The following AP3B1 variants were observed in gnomAD, a reference collection of about 807,000 sequenced individuals.
AP3B1 encodes the protein adaptor related protein complex 3 subunit beta 1.
In AP3B1, 61 loss-of-function variants were observed where a neutral mutation model predicts 132.5. The ratio of observed to expected loss-of-function variants is 0.46; its 90% confidence interval spans 0.37 to 0.57. The LOEUF (loss-of-function observed/expected upper bound fraction) is 0.57. AP3B1 is among the 20% of genes least tolerant of loss of function. AP3B1 has a pLI of 0.00. For missense variants in AP3B1, 1,120 were observed against 1,289.4 expected (o/e 0.87, Z 2.01); for synonymous variants, 388 against 438.3 (o/e 0.89, Z 1.43).
chr5:78,147,840 C>T (rs984943745), intron 14 of AP3B1, among the ~76,000 whole-genome samples: 2 of 152,118 alleles, frequency 1.3e-5, no homozygotes, highest in Non-Finnish European at 2.9e-5. Flanking sequence ...TTGAGACCAG[C>T]GTGGTCAACA....
intron 17 of AP3B1, among the ~76,000 whole-genome samples, chr5:78,122,462 A>C (rs1752254451): frequency 6.6e-6 from 1 of 152,344 alleles, no homozygotes; most frequent in Non-Finnish European, 1.5e-5. Flanking sequence ...GTCTCAGCCC[A>C]AAATCTCCTT....
intron 22 of AP3B1, chr5:78,042,990 C>G (rs886472482): frequency 5.6e-6 from 1 of 178,368 alleles, no homozygotes; most frequent in East Asian, 1.5e-4. Context: ...TCCAAATGTT[C>G]TTGATCTTGT....
intron 18 of AP3B1, 133 bp from the exon 19 acceptor site, chr5:78,114,056 A>G (rs1751718158): frequency 1.0e-6 from 1 of 980,994 alleles, no homozygotes; most frequent in Non-Finnish European, 1.5e-6. Flanking sequence ...CTTGTTTAAC[A>G]TTTTATTCCC....
intron 7 of AP3B1, among the ~76,000 whole-genome samples, chr5:78,197,432 A>G (rs1745119870): frequency 6.6e-6 from 1 of 152,234 alleles, no homozygotes; most frequent in African/African-American, 2.4e-5. Context: ...CATGGTTTAT[A>G]TACTCTTAAG....
At chr5:78,249,414 G>A (rs1284297721) in intron 2 of AP3B1, among the ~76,000 whole-genome samples, 1 of 151,940 alleles carries the variant, frequency 6.6e-6, no homozygotes, top group Non-Finnish European at 1.5e-5. Flanking sequence ...AATTTGGGAA[G>A]TTTTCTACCA....
chr5:78,192,875 A>G (rs935818839), intron 7 of AP3B1, among the ~76,000 whole-genome samples: 3 of 152,186 alleles, frequency 2.0e-5, no homozygotes, highest in Non-Finnish European at 4.4e-5. Flanking sequence ...AATCTGTCAG[A>G]GCCTTGATCC....
chr5:78,287,372 C>G (rs1749326753), intron 1 of AP3B1, among the ~76,000 whole-genome samples: 1 of 151,986 alleles, frequency 6.6e-6, no homozygotes, highest in African/African-American at 2.4e-5. Context: ...AGGAGATATG[C>G]AAGCAAAGCA....
intron 20 of AP3B1, among the ~76,000 whole-genome samples, chr5:78,105,582 G>T (rs1751299837): frequency 6.6e-6 from 1 of 152,096 alleles, no homozygotes; most frequent in South Asian, 2.1e-4. Flanking sequence ...ATTGTGTAAA[G>T]TATGTGAAAT....
rs1561217293 is a variant in AP3B1 at position 78,278,629 on chromosome 5, G to GAAAAAA, written c.129-11035_129-11034insTTTTTT. On this transcript the variant is annotated intron_variant, in intron 1 of 26. Transcript: ENST00000255194. ...AAAAAAAAAAAAAAAAAAAAAAGGG[G>GAAAAAA]GGGGGGGACTAATTAATTATGAGGA... Among the ~76,000 whole-genome samples, 11 of 76,788 alleles carry GAAAAAA rather than the reference G, an allele frequency of 1.4e-4. 1 individual carries two copies. Among genetic ancestry groups the GAAAAAA allele is most frequent in the African/African-American group, 4.1e-4 (11 of 27,152 alleles). The allele number at this position is 76,788 out of a possible 152,430, so 50.4% of individuals were successfully genotyped here.
intron 22 of AP3B1, among the ~76,000 whole-genome samples, chr5:78,084,618 C>CGT: frequency 1.3e-5 from 2 of 151,196 alleles, no homozygotes; most frequent in Middle Eastern, 3.5e-3. Flanking sequence ...AAGGAATCCT[C>CGT]GTCATTCATA....
intron 2 of AP3B1, among the ~76,000 whole-genome samples, chr5:78,262,811 C>A (rs1262468058): frequency 6.6e-6 from 1 of 151,226 alleles, no homozygotes; most frequent in African/African-American, 2.4e-5. Context: ...CAGCTGGGAC[C>A]ACAGGCACAG....
intron 24 of AP3B1, among the ~76,000 whole-genome samples, chr5:78,032,212 A>C (rs1747609780): frequency 1.3e-5 from 2 of 152,202 alleles, no homozygotes; most frequent in African/African-American, 4.8e-5. Context: ...AAGCTAAAGT[A>C]GGATCATTTT....
At chr5:78,189,869 C>CAAATGAAATA (rs1744755608) in intron 7 of AP3B1, among the ~76,000 whole-genome samples, 1 of 102,294 alleles carries the variant, frequency 9.8e-6, no homozygotes, top group East Asian at 3.6e-4. Context: ...GACTCCATCT[C>CAAATGAAATA]AAATAAAATA....
chr5:78,249,253 G>A (rs1206130490), intron 2 of AP3B1, among the ~76,000 whole-genome samples: 3 of 152,150 alleles, frequency 2.0e-5, no homozygotes, highest in African/African-American at 4.8e-5. Context: ...TGTAATCCCA[G>A]CTACTCAGGA....
At chr5:78,003,503 G>T (rs563890759) in intron 26 of AP3B1, 11 of 750,754 alleles carry the variant, frequency 1.5e-5, no homozygotes, top group Non-Finnish European at 1.8e-5. Context: ...ATCTGAAAAT[G>T]ATTATGTAAT....
At chr5:78,177,674 G>A (rs1047948789) in intron 8 of AP3B1, among the ~76,000 whole-genome samples, 1 of 151,992 alleles carries the variant, frequency 6.6e-6, no homozygotes, top group Admixed American at 6.6e-5. Context: ...TATAAGAATT[G>A]AAATGACATC....
At chr5:78,068,742 A>T (rs549423335) in intron 22 of AP3B1, among the ~76,000 whole-genome samples, 2 of 152,304 alleles carry the variant, frequency 1.3e-5, no homozygotes, top group South Asian at 4.1e-4. Flanking sequence ...TTCCTCACTA[A>T]TTCATTTTAT....
chr5:78,231,300 A>G (rs1280480590), intron 3 of AP3B1, among the ~76,000 whole-genome samples: 1 of 151,834 alleles, frequency 6.6e-6, no homozygotes, highest in Non-Finnish European at 1.5e-5. Flanking sequence ...CAGCTTCCCA[A>G]GTAGCTGGGA....
intron 26 of AP3B1, among the ~76,000 whole-genome samples, chr5:78,007,125 A>T (rs1288625824): frequency 6.6e-6 from 1 of 152,252 alleles, no homozygotes; most frequent in Non-Finnish European, 1.5e-5. Flanking sequence ...GCTATAAATC[A>T]TACATGTTCT....
Sources: allele counts gnomAD v4.1 joint callset (sites outside exome capture counted in the v4.1 genomes callset), GRCh38; gene constraint gnomAD v4.1.1; transcripts MANE v1.5; gene names NCBI Gene and HGNC (gene_info 2026-07-23, HGNC 2026-07-21).